The following COL15A1 variants were observed in gnomAD, a reference collection of about 807,000 sequenced individuals.
COL15A1 encodes the protein collagen alpha-1(XV) chain.
In COL15A1, 111 loss-of-function variants were observed where a neutral mutation model predicts 165.9. That is an observed-to-expected ratio of 0.67 (90% CI 0.57 to 0.78). COL15A1 has a LOEUF of 0.78. Ranked by LOEUF, COL15A1 falls within the 30% of genes least tolerant of loss-of-function variation. The pLI is 0.00. For synonymous variants in COL15A1, 659 were observed against 674.8 expected, an observed-to-expected ratio of 0.98 and a Z score of 0.36; for missense variants, 1,745 against 1,789.7, an observed-to-expected ratio of 0.98 and a Z score of 0.45.
chr9:98,999,449 G>T (rs1838609623), intron 6 of COL15A1, among the ~76,000 whole-genome samples: 1 of 152,136 alleles, frequency 6.6e-6, no homozygotes, highest in East Asian at 1.9e-4. Context: ...GGAGTGCATG[G>T]GACAATCTTG....
At chr9:99,051,987 G>A (rs760050270) in intron 30 of COL15A1, among the ~76,000 whole-genome samples, 2 of 152,188 alleles carry the variant, frequency 1.3e-5, no homozygotes, top group African/African-American at 4.8e-5. Context: ...CCGGTTTCAC[G>A]GTTGGGCATG....
rs1193122278 is a variant in COL15A1, at chr9:99,007,344, A to T, written c.1353+2294A>T. 2.6e-5 allele frequency among the ~76,000 whole-genome samples: 4 copies of T among 152,162 alleles called. No individual in the cohort carries two copies. In the East Asian group the frequency reaches 7.7e-4, roughly 29 times the overall value. On this transcript the variant is annotated intron_variant, in intron 9 of 41. Transcript: ENST00000375001. ...ATGGGAGGCCGTTTTGCCCTAAGCA[A>T]TTTCCATTTTCATTTTTCCCTTTGG...
intron 2 of COL15A1, among the ~76,000 whole-genome samples, chr9:98,949,066 A>T (rs1382962903): frequency 2.0e-5 from 3 of 152,182 alleles, no homozygotes; most frequent in African/African-American, 7.2e-5. Flanking sequence ...CTTGCTTTTT[A>T]AAAATAGCTT....
intron 31 of COL15A1, among the ~76,000 whole-genome samples, chr9:99,053,774 C>G (rs1825666082): frequency 6.6e-6 from 1 of 152,198 alleles, no homozygotes; most frequent in Non-Finnish European, 1.5e-5. Context: ...TATTCCCTCC[C>G]CTTCATTGAG....
At position 98,999,435 on chromosome 9, in the gene COL15A1, G is replaced by A. The variant is rs139608427; in HGVS notation, c.953-1404G>A. Among the ~76,000 whole-genome samples the A allele has an allele frequency of 4.3e-3, 652 of 152,274 alleles. 1 individual carries two copies. The highest frequency in any genetic ancestry group is 7.6e-3 in the Non-Finnish European group (516 of 68,014). On this transcript the variant is annotated intron_variant, in intron 6 of 41. Transcript: ENST00000375001. ...CAGGTGGGCCAGCAGGAGGGTTGCT[G>A]GAGGGAGTGCATGGGACAATCTTGG...
chr9:98,971,015 A>T (rs1458875418), intron 2 of COL15A1, among the ~76,000 whole-genome samples: 1 of 152,026 alleles, frequency 6.6e-6, no homozygotes, highest in Non-Finnish European at 1.5e-5. Context: ...TTGTGGATGT[A>T]TCCGTGTGTG....
chr9:98,975,265 G>C (rs934882933), intron 2 of COL15A1, among the ~76,000 whole-genome samples: 1 of 152,248 alleles, frequency 6.6e-6, no homozygotes, highest in Non-Finnish European at 1.5e-5. Flanking sequence ...GTCTGTGAGA[G>C]GGAGCTTTGC....
intron 2 of COL15A1, among the ~76,000 whole-genome samples, chr9:98,944,959 G>A (rs186789178): frequency 6.6e-6 from 1 of 152,226 alleles, no homozygotes; most frequent in Non-Finnish European, 1.5e-5. Flanking sequence ...TTGAACTGTG[G>A]CTGGCTGAGT....
chr9:99,060,629 T>TAATC (rs1205214296), intron 36 of COL15A1, among the ~76,000 whole-genome samples: 6 of 152,062 alleles, frequency 3.9e-5, no homozygotes, highest in Non-Finnish European at 8.8e-5. Context: ...CTCACTCCTG[T>TAATC]AATCCCAGCA....
chr9:98,963,298 C>G (rs1445150910), intron 2 of COL15A1, among the ~76,000 whole-genome samples: 2 of 152,184 alleles, frequency 1.3e-5, no homozygotes, highest in Admixed American at 6.5e-5. Flanking sequence ...CACCTTACTC[C>G]CATCAGAACC....
Position 99,034,455 on chromosome 9 carries a change from A to G in COL15A1, c.2044-94A>G, listed in dbSNP as rs1215102923. On this transcript the variant is annotated intron_variant, in intron 16 of 41. Transcript: ENST00000375001. ...AGAAAGAGTCCTATTTTAATATCCT[A>G]TTTCCTTGGAGTCCATAATTGTGCA... 19 of 1,492,056 alleles carry G rather than the reference A, an allele frequency of 1.3e-5. No individual in the cohort carries two copies. The East Asian group carries it at 2.3e-4, about 18-fold the overall frequency. 92.4% of individuals were successfully genotyped at this position (1,492,056 alleles called of 1,614,324 possible).
At chr9:99,016,195 AG>A in intron 11 of COL15A1, 76 bp downstream of exon 11, 1 of 1,489,502 alleles carries the variant, frequency 6.7e-7, no homozygotes, top group Non-Finnish European at 8.9e-7. Context: ...AGTTGTGGGA[AG>A]GGCTGGCCCC....
chr9:99,015,899 C>A (rs578022170), intron 10 of COL15A1, 77 bp from the exon 11 acceptor site: 1 of 1,549,454 alleles, frequency 6.5e-7, no homozygotes, highest in African/African-American at 1.4e-5. Flanking sequence ...GCTGGCACCA[C>A]AGAAACGACT....
At chr9:99,030,903 A>G (rs1050499704) in intron 16 of COL15A1, among the ~76,000 whole-genome samples, 1 of 152,210 alleles carries the variant, frequency 6.6e-6, no homozygotes, top group Non-Finnish European at 1.5e-5. Context: ...AGGAGCAGAC[A>G]TAGCAACTGT....
At chr9:98,988,154 G>A (rs1440181017) in intron 4 of COL15A1, among the ~76,000 whole-genome samples, 6 of 152,322 alleles carry the variant, frequency 3.9e-5, no homozygotes, top group East Asian at 1.9e-4. Flanking sequence ...TGGCATCAAC[G>A]TCACAACAGA....
chr9:99,064,407 G>A lies in COL15A1; in HGVS notation c.3651+1298G>A, dbSNP rs546132657. Among the ~76,000 whole-genome samples, 22 of 152,308 alleles carry A rather than the reference G, an allele frequency of 1.4e-4. 1 individual carries two copies. In the South Asian group the frequency reaches 4.6e-3, roughly 32 times the overall value. On this transcript the variant is annotated intron_variant, in intron 39 of 41. Coordinates refer to ENST00000375001, the MANE Select transcript of COL15A1 (RefSeq NM_001855.5). ...TTGACCAAGGAGGAACTAATTTGGA[G>A]CATGGTGAGTCTGAGGTGCCTGGAG...
At chr9:99,026,448 G>A (rs1455594369) in intron 16 of COL15A1, among the ~76,000 whole-genome samples, 2 of 152,094 alleles carry the variant, frequency 1.3e-5, no homozygotes, top group Non-Finnish European at 2.9e-5. Flanking sequence ...GCAGGCTCTC[G>A]TCAGCCCCTG....
intron 26 of COL15A1, among the ~76,000 whole-genome samples, chr9:99,046,140 G>T (rs945900414): frequency 1.3e-5 from 2 of 152,240 alleles, no homozygotes; most frequent in South Asian, 4.1e-4. Flanking sequence ...TGCCATGGCG[G>T]TGGTTCCTAC....
At chr9:99,021,860 G>A (rs1839033978) in intron 12 of COL15A1, among the ~76,000 whole-genome samples, 1 of 152,184 alleles carries the variant, frequency 6.6e-6, no homozygotes. Flanking sequence ...TGCTCATACT[G>A]GTCAGCTCTT....
Sources: gnomAD v4.1 joint callset for allele counts (sites outside exome capture counted in the v4.1 genomes callset) on GRCh38, gnomAD v4.1.1 for gene constraint, MANE v1.5 for transcripts, NCBI Gene and HGNC (gene_info 2026-07-23, HGNC 2026-07-21) for gene names.